Variants in PNLIPRP3 observed in about 807,000 individuals in gnomAD.
The protein encoded by PNLIPRP3 is pancreatic lipase related protein 3.
Under a neutral mutation model 52.8 loss-of-function variants are expected in PNLIPRP3, and 58 were observed. That is an observed-to-expected ratio of 1.10 (90% CI 0.89 to 1.37). The LOEUF (loss-of-function observed/expected upper bound fraction) is 1.37. Ranked by LOEUF, PNLIPRP3 falls within the 40% of genes most tolerant of loss-of-function variation. PNLIPRP3 has a pLI of 0.00. For synonymous variants in PNLIPRP3, 192 were observed against 185.0 expected, an observed-to-expected ratio of 1.04 and a Z score of -0.31; for missense variants, 593 against 561.6, an observed-to-expected ratio of 1.06 and a Z score of -0.57.
chr10:116,468,139 A>G (rs1299581709), intron 8 of PNLIPRP3, among the ~76,000 whole-genome samples: 2 of 150,248 alleles, frequency 1.3e-5, no homozygotes, highest in African/African-American at 2.4e-5. Flanking sequence ...AAAAAAAAAA[A>G]AAAAAAAAAA....
rs187085491 is a variant in PNLIPRP3 at position 116,460,002 on chromosome 10, G to A, written c.566-964G>A. ...TGGCTGGTGTCGAACTCCTGACCTC[G>A]TGATCCACCCGCCTCGGCCTCCGAG... is the stretch of plus-strand genomic sequence containing the variant. On this transcript the variant is annotated intron_variant, in intron 5 of 11. Transcript: ENST00000369230. 5.3e-3 allele frequency among the ~76,000 whole-genome samples: 814 copies of A among 152,196 alleles called. 7 individuals are homozygous for A. Among genetic ancestry groups the A allele is most frequent in the African/African-American group, 0.018 (766 of 41,536 alleles).
At chr10:116,441,602 G>A (rs1845859334) in intron 2 of PNLIPRP3, among the ~76,000 whole-genome samples, 1 of 152,114 alleles carries the variant, frequency 6.6e-6, no homozygotes, top group African/African-American at 2.4e-5. Context: ...GAAGATGATT[G>A]ATTTTATTGC....
At chr10:116,460,919 A>G (rs762874151) in intron 5 of PNLIPRP3, 47 bp from the exon 6 acceptor site, 2 of 1,594,594 alleles carry the variant, frequency 1.3e-6, no homozygotes, top group Non-Finnish European at 1.7e-6. Context: ...TAACAACAAT[A>G]TTAATGTGCA....
chr10:116,446,345 C>CAAA (rs35901373), intron 4 of PNLIPRP3, among the ~76,000 whole-genome samples: 3 of 65,884 alleles, frequency 4.6e-5, no homozygotes, highest in East Asian at 4.2e-4. Flanking sequence ...CGCTGCGTCT[C>CAAA]AAAAAAAAAA....
rs764152418 is a variant in PNLIPRP3 at position 116,455,788 on chromosome 10, G to A, written c.523G>A (p.Gly175Arg). Reference sequence around the variant, plus strand: ...CCACAGCTTGGGAGCACACCTGGCTGGGGAAGCTGGGTCAAGGATACCAGG... The same window carrying A: ...CCACAGCTTGGGAGCACACCTGGCTAGGGAAGCTGGGTCAAGGATACCAGG... ...IGHSLGAHLA[G>R]EAGSRIPGLG... Residue 175 changes from glycine (G) to arginine (R), a missense_variant, in exon 5 of 12, where the codon GGG becomes AGG. Coordinates refer to ENST00000369230, the MANE Select transcript of PNLIPRP3 (RefSeq NM_001011709.3). 1.9e-6 allele frequency: 3 copies of A among 1,613,612 alleles called. No homozygotes were observed. The highest frequency in any genetic ancestry group is 4.5e-5 in the East Asian group (2 of 44,888).
At chr10:116,459,002 A>C (rs1846153588) in intron 5 of PNLIPRP3, among the ~76,000 whole-genome samples, 1 of 152,002 alleles carries the variant, frequency 6.6e-6, no homozygotes, top group Non-Finnish European at 1.5e-5. Context: ...ACTCTATCAG[A>C]CATTTTGACT....
At chr10:116,460,090 A>G (rs1158028519) in intron 5 of PNLIPRP3, among the ~76,000 whole-genome samples, 1 of 152,156 alleles carries the variant, frequency 6.6e-6, no homozygotes, top group South Asian at 2.1e-4. Flanking sequence ...TTGCAGAAGC[A>G]TGTCCTAGTT....
chr10:116,451,129 G>C (rs1394741246), intron 4 of PNLIPRP3, among the ~76,000 whole-genome samples: 1 of 152,126 alleles, frequency 6.6e-6, no homozygotes, highest in African/African-American at 2.4e-5. Flanking sequence ...TGTATGTATG[G>C]TCAACTGATC....
chr10:116,458,830 T>C (rs781364280), intron 5 of PNLIPRP3, among the ~76,000 whole-genome samples: 56 of 152,274 alleles, frequency 3.7e-4, no homozygotes, highest in Non-Finnish European at 1.0e-4. Context: ...CATTTCCTTC[T>C]AAATGATGCC....
chr10:116,448,522 T>G (rs897914905), intron 4 of PNLIPRP3, among the ~76,000 whole-genome samples: 3 of 151,838 alleles, frequency 2.0e-5, no homozygotes, highest in Admixed American at 2.0e-4. Flanking sequence ...CAAAGAACTA[T>G]AAGACAGAAA....
chr10:116,444,007 T>A (rs1446208259), intron 3 of PNLIPRP3, among the ~76,000 whole-genome samples: 1 of 151,722 alleles, frequency 6.6e-6, no homozygotes, highest in Non-Finnish European at 1.5e-5. Context: ...CAGTTCAGCA[T>A]AGCTGGGGAG....
At chr10:116,467,795 C>T (rs934768961) in intron 8 of PNLIPRP3, among the ~76,000 whole-genome samples, 5 of 152,044 alleles carry the variant, frequency 3.3e-5, no homozygotes, top group African/African-American at 1.2e-4. Flanking sequence ...AGTTCTCCTA[C>T]TAATGTGAGT....
chr10:116,437,220 G>A (rs1845786966), intron 2 of PNLIPRP3, among the ~76,000 whole-genome samples: 1 of 152,162 alleles, frequency 6.6e-6, no homozygotes, highest in Non-Finnish European at 1.5e-5. Context: ...CTTTATTGCA[G>A]TGGGAGAAAT....
At chr10:116,466,898 A>G (rs1203191103) in intron 8 of PNLIPRP3, among the ~76,000 whole-genome samples, 1 of 152,210 alleles carries the variant, frequency 6.6e-6, no homozygotes, top group Non-Finnish European at 1.5e-5. Context: ...AGCTTGGCAG[A>G]TGGACGGGTT....
In PNLIPRP3 at chr10:116,467,408, T is replaced by A. The variant is rs1023576903; in HGVS notation, c.927+1240T>A. Among the ~76,000 whole-genome samples, 6 of 151,982 alleles carry A rather than the reference T, an allele frequency of 3.9e-5. No individual in the cohort carries two copies. In the South Asian group the frequency reaches 8.3e-4, roughly 21 times the overall value. ...CAAATTGAGACTCCATCTCAAAAAA[T>A]AAATAAATAAATAAATAGGATGTTA... is the stretch of plus-strand genomic sequence containing the variant. On this transcript the variant is annotated intron_variant, in intron 8 of 11. Transcript: ENST00000369230.
rs1245749697 is a variant in PNLIPRP3, at chr10:116,444,385, T to C, written c.328T>C (p.Leu110=). 1.9e-6 allele frequency: 3 copies of C among 1,605,148 alleles called. No individual in the cohort carries two copies. Among genetic ancestry groups the C allele is most frequent in the Non-Finnish European group, 2.6e-6 (3 of 1,175,578 alleles). ...TTTATATAAATCTTTGTGCCAGGTG[T>C]TGCTACAGCTGGAAGATATAAATTG... ...GKWQRDMCNV[L]LQLEDINCIN... Residue 110 remains leucine (L), a synonymous_variant, in exon 4 of 12, where the codon TTG becomes CTG. Transcript: ENST00000369230.
rs759033961 is a variant in PNLIPRP3 at position 116,461,253 on chromosome 10, A to T, written c.771A>T (p.Thr257=). 1 of 1,613,320 alleles carries T rather than the reference A, an allele frequency of 6.2e-7. No homozygotes were observed. Among genetic ancestry groups the T allele is most frequent in the East Asian group, 2.2e-5 (1 of 44,870 alleles). The change falls in exon 7 of 12, where the codon ACA becomes ACT. Residue 257 remains threonine, a synonymous_variant. Transcript: ENST00000369230. ...KHMPGCEDLI[T]PLLKFNFNAY... ...TGCCAGGATGTGAAGACTTAATTAC[A>T]CCTTTACTGAAATTTAACTTCAATG...
intron 1 of PNLIPRP3, among the ~76,000 whole-genome samples, chr10:116,434,510 T>C (rs1028127550): frequency 5.9e-5 from 9 of 152,222 alleles, no homozygotes; most frequent in South Asian, 2.1e-4. Flanking sequence ...GTGGCTTTAA[T>C]ACCTTATAAT....
chr10:116,459,062 C>T (rs866796145), intron 5 of PNLIPRP3, among the ~76,000 whole-genome samples: 2 of 152,114 alleles, frequency 1.3e-5, no homozygotes, highest in Non-Finnish European at 2.9e-5. Context: ...GGACCCCTCC[C>T]GCCTTGCTGA....
Sources: allele counts gnomAD v4.1 joint callset (sites outside exome capture counted in the v4.1 genomes callset), GRCh38; gene constraint gnomAD v4.1.1; transcripts MANE v1.5; gene names NCBI Gene and HGNC (gene_info 2026-07-23, HGNC 2026-07-21).